Variants in PTPRQ observed in about 807,000 individuals in gnomAD.
PTPRQ encodes phosphatidylinositol phosphatase PTPRQ.
In PTPRQ, 199 loss-of-function variants were observed where a neutral mutation model predicts 246.0. That is an observed-to-expected ratio of 0.81 (90% CI 0.72 to 0.91). PTPRQ has a LOEUF of 0.91. Ranked by LOEUF, PTPRQ falls within the 40% of genes least tolerant of loss-of-function variation. The probability of loss-of-function intolerance (pLI) is 0.00; values close to 1 mark genes in which losing one functional copy is unlikely to be tolerated. For missense variants in PTPRQ, 2,624 were observed against 2,528.4 expected (o/e 1.04, Z -0.81); for synonymous variants, 869 against 853.2 (o/e 1.02, Z -0.32).
intron 8 of PTPRQ, among the ~76,000 whole-genome samples, chr12:80,479,710 A>T (rs1893962989): frequency 6.7e-6 from 1 of 148,330 alleles, no homozygotes; most frequent in Non-Finnish European, 1.5e-5. Flanking sequence ...GAACAAAAAA[A>T]GGCAGGGGTT....
chr12:80,455,050 G>T (rs1175099880), intron 3 of PTPRQ, among the ~76,000 whole-genome samples: 2 of 152,092 alleles, frequency 1.3e-5, no homozygotes, highest in African/African-American at 4.8e-5. Flanking sequence ...GCGAGTGCCT[G>T]TAATCCCAGC....
Position 80,620,164 on chromosome 12 carries a change from T to C in PTPRQ, c.5400T>C (p.Asp1800=), listed in dbSNP as rs1446297186. Residue 1800 remains aspartate (D), a synonymous_variant, in exon 32 of 45, where the codon GAT becomes GAC. Transcript: ENST00000644991. ...TGTTTCTGAAAACAGCTCAGCATGA[T>C]GGAAATGTAACAAAGTGGTATGATG... The part of the protein sequence containing the change: ...VLVTETGAQH[D]GNVTKWYDAY... The C allele has an allele frequency of 4.5e-6, 7 of 1,544,428 alleles. No homozygotes were observed. The highest frequency in any genetic ancestry group is 2.4e-5 in the South Asian group (2 of 82,916).
chr12:80,495,132 T>A, intron 11 of PTPRQ, 38 bp downstream of exon 11: 1 of 1,550,282 alleles, frequency 6.5e-7, no homozygotes, highest in Non-Finnish European at 8.7e-7. Context: ...TAACTGCAAA[T>A]ATTGCTGTTG....
chr12:80,654,011 CTTTCTTTT>C (rs1322673501), intron 38 of PTPRQ, among the ~76,000 whole-genome samples: 9 of 151,630 alleles, frequency 5.9e-5, no homozygotes, highest in African/African-American at 2.2e-4. Context: ...CTTTTTCTTT[CTTTCTTTT>C]TTTCTTTCTT....
At position 80,489,192 on chromosome 12, in the gene PTPRQ, G is replaced by A. The variant is rs539104422; in HGVS notation, c.1360-4083G>A. On this transcript the variant is annotated intron_variant, in intron 9 of 44. Coordinates refer to ENST00000644991, the MANE Select transcript of PTPRQ (RefSeq NM_001145026.2). ...TTCTTTACTTTGAACTGAAATACCT[G>A]TCTTTTAATTTTCATCAGTTCGTCC... Among the ~76,000 whole-genome samples, 128 of 152,118 alleles carry A rather than the reference G, an allele frequency of 8.4e-4. 3 individuals are homozygous for A. The highest frequency in any genetic ancestry group is 3.0e-3 in the African/African-American group (123 of 41,530).
At chr12:80,628,525 T>A (rs1275427191) in intron 33 of PTPRQ, among the ~76,000 whole-genome samples, 2 of 152,216 alleles carry the variant, frequency 1.3e-5, no homozygotes, top group Admixed American at 1.3e-4. Flanking sequence ...TTAGTAGTTG[T>A]GCTTAATAAT....
At position 80,588,434 on chromosome 12, in the gene PTPRQ, A is replaced by G. The variant is rs1897689349; in HGVS notation, c.4591A>G (p.Thr1531Ala). 4 of 1,486,956 alleles carry G rather than the reference A, an allele frequency of 2.7e-6. No homozygotes were observed. The highest frequency in any genetic ancestry group is 1.4e-5 in the African/African-American group (1 of 70,922). 92.1% of individuals were successfully genotyped at this position (1,486,956 alleles called of 1,614,324 possible). The stretch of plus-strand genomic sequence containing the variant: ...TGGCAATGCTTCAAACTGGATTTCT[A>G]CAAAAACTCTGCCTGGCCGTGAGTA... ...GYGNASNWISTKTLPGPPDGP... is the reference protein window; with the variant it reads ...GYGNASNWISAKTLPGPPDGP... The change falls in exon 26 of 45, where the codon ACA (threonine) becomes GCA (alanine). Residue 1531 changes from threonine (T) to alanine (A), a missense_variant. Coordinates refer to ENST00000644991, the MANE Select transcript of PTPRQ (RefSeq NM_001145026.2).
At position 80,563,336 on chromosome 12, in the gene PTPRQ, A is replaced by T. The variant is rs373650979; in HGVS notation, c.4285+13602A>T. ...GGATGAGGCAGCACTCTGCAGCCTA[A>T]TCCCACTCGTGATTACTGCCCTAAT... On this transcript the variant is annotated intron_variant, in intron 25 of 44. Coordinates refer to ENST00000644991, the MANE Select transcript of PTPRQ (RefSeq NM_001145026.2). Among the ~76,000 whole-genome samples the T allele has an allele frequency of 4.6e-5, 7 of 151,956 alleles. No individual in the cohort carries two copies. The East Asian group carries it at 7.8e-4, about 17-fold the overall frequency.
intron 3 of PTPRQ, among the ~76,000 whole-genome samples, chr12:80,448,736 G>C (rs549181527): frequency 1.3e-5 from 2 of 148,928 alleles, no homozygotes; most frequent in East Asian, 3.9e-4. Flanking sequence ...AGTATTCCAT[G>C]GTGTATATGT....
chr12:80,456,132 T>A (rs1892974648), intron 3 of PTPRQ, among the ~76,000 whole-genome samples: 1 of 152,250 alleles, frequency 6.6e-6, no homozygotes, highest in South Asian at 2.1e-4. Flanking sequence ...GAGAAGAAAA[T>A]ATATAAAACC....
chr12:80,505,083 G>T (rs1453614642), intron 14 of PTPRQ, among the ~76,000 whole-genome samples: 2 of 151,798 alleles, frequency 1.3e-5, no homozygotes, highest in Non-Finnish European at 2.9e-5. Context: ...TTTCTGCAGG[G>T]ATATCACTCA....
chr12:80,671,568 T>C (rs996791359), intron 42 of PTPRQ, among the ~76,000 whole-genome samples: 6 of 152,250 alleles, frequency 3.9e-5, no homozygotes, highest in African/African-American at 1.4e-4. Context: ...TTATTGACCA[T>C]CTTTAAATAT....
At chr12:80,583,206 C>T (rs186010337) in intron 25 of PTPRQ, among the ~76,000 whole-genome samples, 1 of 152,186 alleles carries the variant, frequency 6.6e-6, no homozygotes, top group Non-Finnish European at 1.5e-5. Context: ...TTTGCTCACA[C>T]ATTCAAAAAA....
intron 17 of PTPRQ, among the ~76,000 whole-genome samples, chr12:80,530,939 C>A (rs1895826790): frequency 2.6e-5 from 4 of 152,004 alleles, no homozygotes; most frequent in African/African-American, 9.7e-5. Context: ...GTAGTACCAG[C>A]TACTCTGAAG....
chr12:80,649,754 G>A, intron 37 of PTPRQ, 85 bp downstream of exon 37: 14 of 1,458,978 alleles, frequency 9.6e-6, no homozygotes, highest in Non-Finnish European at 1.2e-5. Context: ...AGCAAGCAAG[G>A]CCATGAAGGA....
intron 14 of PTPRQ, among the ~76,000 whole-genome samples, chr12:80,501,187 T>C (rs375410532): frequency 9.2e-5 from 14 of 151,902 alleles, no homozygotes; most frequent in African/African-American, 3.4e-4. Context: ...CAGAGGTGGA[T>C]CCTGAGATTC....
intron 43 of PTPRQ, among the ~76,000 whole-genome samples, chr12:80,676,364 T>G (rs1592786373): frequency 6.6e-6 from 1 of 152,224 alleles, no homozygotes; most frequent in East Asian, 1.9e-4. Context: ...CACTGGGCAC[T>G]GGGTGCGGTG....
intron 3 of PTPRQ, among the ~76,000 whole-genome samples, chr12:80,449,736 T>G (rs1892685228): frequency 6.6e-6 from 1 of 152,200 alleles, no homozygotes; most frequent in South Asian, 2.1e-4. Flanking sequence ...TTGATCTATA[T>G]CTCTGTTTTG....
At chr12:80,621,426 T>C (rs1429690096) in intron 32 of PTPRQ, among the ~76,000 whole-genome samples, 1 of 151,966 alleles carries the variant, frequency 6.6e-6, no homozygotes, top group African/African-American at 2.4e-5. Context: ...TGGTTTTATG[T>C]TTTTAAATGC....
Sources: gnomAD v4.1 joint callset for allele counts (sites outside exome capture counted in the v4.1 genomes callset) on GRCh38, gnomAD v4.1.1 for gene constraint, MANE v1.5 for transcripts, NCBI Gene and HGNC (gene_info 2026-07-23, HGNC 2026-07-21) for gene names.